The following CDH7 variants were observed in gnomAD, a reference collection of about 807,000 sequenced individuals.
The protein encoded by CDH7 is cadherin-7.
Under a neutral mutation model 71.8 loss-of-function variants are expected in CDH7, and 25 were observed. The ratio of observed to expected loss-of-function variants is 0.35; its 90% CI spans 0.25 to 0.49. The LOEUF (loss-of-function observed/expected upper bound fraction) is 0.49. CDH7 is among the 20% of genes least tolerant of loss of function. CDH7 has a pLI of 0.99. For synonymous variants in CDH7, 381 were observed against 363.8 expected (o/e 1.05, Z -0.54); for missense variants, 862 against 974.6 (o/e 0.88, Z 1.54).
chr18:65,751,394 G>T (rs1473524720), intron 1 of CDH7, among the ~76,000 whole-genome samples: 1 of 152,218 alleles, frequency 6.6e-6, no homozygotes, highest in African/African-American at 2.4e-5. Context: ...ACAGACACCA[G>T]GTGCGACACG....
intron 11 of CDH7, among the ~76,000 whole-genome samples, chr18:65,870,879 A>G (rs976402113): frequency 5.3e-5 from 8 of 152,196 alleles, no homozygotes; most frequent in African/African-American, 1.9e-4. Flanking sequence ...CTTCTTAACC[A>G]GTATATTATT....
chr18:65,822,045 T>C (rs1911948637), intron 4 of CDH7, 36 bp from the exon 5 acceptor site: 3 of 1,535,226 alleles, frequency 2.0e-6, no homozygotes, highest in Non-Finnish European at 1.8e-6. Flanking sequence ...ATGCAGTGAT[T>C]CATGATGAGT....
rs1442286836 is a variant in CDH7 at position 65,822,064 on chromosome 18, G to A, written c.626-17G>A. On this transcript the variant is annotated splice_polypyrimidine_tract_variant and intron_variant, in intron 4 of 11. Coordinates refer to ENST00000397968, the MANE Select transcript of CDH7 (RefSeq NM_004361.5). ...AGTGATTCATGATGAGTTTTACTGG[G>A]ATTTGAAATTTTACAGGAGTCATCA... 1 of 1,602,832 alleles carries A rather than the reference G, an allele frequency of 6.2e-7. No homozygotes were observed. The highest frequency in any genetic ancestry group is 1.7e-5 in the Admixed American group (1 of 59,976).
chr18:65,807,284 TCA>T (rs1279911945), intron 2 of CDH7, among the ~76,000 whole-genome samples: 2 of 152,160 alleles, frequency 1.3e-5, no homozygotes, highest in Non-Finnish European at 2.9e-5. Context: ...AGGTTGAAGT[TCA>T]CAGTCAGGGC....
intron 2 of CDH7, among the ~76,000 whole-genome samples, chr18:65,786,877 CAG>C (rs1910533653): frequency 6.6e-6 from 1 of 152,006 alleles, no homozygotes; most frequent in Non-Finnish European, 1.5e-5. Context: ...TTTTTAGAGA[CAG>C]AGTCTTGGTA....
At position 65,880,903 on chromosome 18, in the gene CDH7, C is replaced by A; in HGVS notation, c.*9C>A. ...AGAGTTTGTACTCATAGCCTTGGAA[C>A]CTTAATTCGAAATGTACTGAAGAAA... On this transcript the variant is annotated 3_prime_UTR_variant, in exon 12 of 12. Transcript: ENST00000397968. The A allele has an allele frequency of 6.4e-7, 1 of 1,567,126 alleles. No individual in the cohort carries two copies.
chr18:65,804,498 G>T (rs1402645435), intron 2 of CDH7, among the ~76,000 whole-genome samples: 1 of 152,152 alleles, frequency 6.6e-6, no homozygotes, highest in African/African-American at 2.4e-5. Flanking sequence ...TGGATTGAAA[G>T]TGGTAGACCA....
rs1568181257 is a variant in CDH7 at position 65,781,771 on chromosome 18, C to CTTTCT, written c.210+18721_210+18722insTCTTT. Among the ~76,000 whole-genome samples the CTTTCT allele has an allele frequency of 9.4e-3, 366 of 39,020 alleles. 67 individuals carry two copies. Among genetic ancestry groups the CTTTCT allele is most frequent in the African/African-American group, 0.034 (348 of 10,228 alleles). 25.6% of individuals were successfully genotyped at this position (39,020 alleles called of 152,430 possible). Reference sequence around the variant, plus strand: ...GTTGATTTCTTTCTTTCTTTCTTTCCTTCCTTCCTTCCTTCCTTCCTTCCT... The same window carrying CTTTCT: ...GTTGATTTCTTTCTTTCTTTCTTTCCTTTCTTTCCTTCCTTCCTTCCTTCCTTCCT... On this transcript the variant is annotated intron_variant, in intron 2 of 11. Transcript: ENST00000397968.
intron 2 of CDH7, among the ~76,000 whole-genome samples, chr18:65,776,333 T>C (rs933518031): frequency 3.4e-5 from 5 of 149,110 alleles, no homozygotes; most frequent in African/African-American, 9.9e-5. Context: ...GGACAGCTTT[T>C]CAAATCACAC....
chr18:65,795,556 C>T (rs911973284), intron 2 of CDH7, among the ~76,000 whole-genome samples: 4 of 151,990 alleles, frequency 2.6e-5, no homozygotes, highest in African/African-American at 9.7e-5. Flanking sequence ...AAATGTATAA[C>T]GTTGTAAATC....
rs1207968378 is a variant in CDH7, at chr18:65,880,576, C to G, written c.2040C>G (p.Thr680=). ...GAAACCTCAACGTCATCCGAGACACCAAGACCCGGAGGGATGTGACTCCAG... is the reference window on the plus strand; with the variant it reads ...GAAACCTCAACGTCATCCGAGACACGAAGACCCGGAGGGATGTGACTCCAG... ...ALRNLNVIRD[T]KTRRDVTPEI... Residue 680 remains threonine (T), a synonymous_variant, in exon 12 of 12, where the codon ACC becomes ACG. Coordinates refer to ENST00000397968, the MANE Select transcript of CDH7 (RefSeq NM_004361.5). The G allele has an allele frequency of 6.2e-7, 1 of 1,613,682 alleles. No homozygotes were observed. The highest frequency in any genetic ancestry group is 1.1e-5 in the South Asian group (1 of 91,026).
At chr18:65,811,961 C>CTTTTTT (rs1369279315) in intron 3 of CDH7, among the ~76,000 whole-genome samples, 1 of 52,718 alleles carries the variant, frequency 1.9e-5, no homozygotes, top group Non-Finnish European at 4.0e-5. Context: ...CTTTTCTTTT[C>CTTTTTT]TTTTCTTTTT....
chr18:65,861,396 CA>C (rs2061972938), intron 10 of CDH7, among the ~76,000 whole-genome samples: 1 of 120,102 alleles, frequency 8.3e-6, no homozygotes, highest in Non-Finnish European at 1.6e-5. Context: ...TACAAATCAA[CA>C]ACTTTCTAAA....
chr18:65,772,947 A>G (rs1296178935), intron 2 of CDH7, among the ~76,000 whole-genome samples: 2 of 152,142 alleles, frequency 1.3e-5, no homozygotes, highest in Admixed American at 1.3e-4. Flanking sequence ...ATCTTATAAT[A>G]TATGTATATT....
At chr18:65,771,646 A>G (rs1916546081) in intron 2 of CDH7, among the ~76,000 whole-genome samples, 1 of 151,970 alleles carries the variant, frequency 6.6e-6, no homozygotes, top group Non-Finnish European at 1.5e-5. Context: ...ACTGCACTCC[A>G]GCCTGGTCTA....
At chr18:65,873,427 T>C (rs1378578236) in intron 11 of CDH7, among the ~76,000 whole-genome samples, 1 of 152,174 alleles carries the variant, frequency 6.6e-6, no homozygotes, top group African/African-American at 2.4e-5. Context: ...TTCACGTAGC[T>C]TTATTAGAAA....
At chr18:65,813,882 G>A (rs1911630765) in intron 3 of CDH7, among the ~76,000 whole-genome samples, 1 of 152,138 alleles carries the variant, frequency 6.6e-6, no homozygotes, top group Admixed American at 6.5e-5. Context: ...CTTTTACGAG[G>A]GGTTTGGTTT....
At chr18:65,767,847 T>C (rs552440059) in intron 2 of CDH7, among the ~76,000 whole-genome samples, 1 of 152,366 alleles carries the variant, frequency 6.6e-6, no homozygotes, top group East Asian at 1.9e-4. Context: ...TTATTTTGTT[T>C]TTTTCTTACC....
At position 65,885,380 on chromosome 18, in the gene CDH7, T is replaced by TTTTTTGTTTTTTTTTG. The variant is rs1914347030; in HGVS notation, c.*4491_*4492insGTTTTTTTTTGTTTTT. 9.7e-6 allele frequency: 1 copy of TTTTTTGTTTTTTTTTG among 102,912 alleles called. No individual in the cohort carries two copies. Among genetic ancestry groups the TTTTTTGTTTTTTTTTG allele is most frequent in the African/African-American group, 3.4e-5 (1 of 29,456 alleles). The allele number at this position is 102,912 out of a possible 1,614,324, so 6.4% of individuals were successfully genotyped here. A position where few individuals can be genotyped will look rare whatever the true frequency, so the allele number is the denominator to read the frequency against. On this transcript the variant is annotated 3_prime_UTR_variant, in exon 12 of 12. Transcript: ENST00000397968. ...AAAGGATGTGTGCCTGTGTTTTTTT[T>TTTTTTGTTTTTTTTTG]TTTTTTTTTTTTTTTGACGTGGAGT...
Sources: gnomAD v4.1 joint callset for allele counts (sites outside exome capture counted in the v4.1 genomes callset) on GRCh38, gnomAD v4.1.1 for gene constraint, MANE v1.5 for transcripts, NCBI Gene and HGNC (gene_info 2026-07-23, HGNC 2026-07-21) for gene names.